The following MAN2A1 variants were observed in gnomAD, a reference collection of about 807,000 sequenced individuals.
MAN2A1 encodes alpha-mannosidase 2.
MAN2A1 carries 76 observed loss-of-function variants against 142.6 expected under a neutral mutation model. The ratio of observed to expected loss-of-function variants is 0.53; its 90% CI spans 0.44 to 0.65. The LOEUF (loss-of-function observed/expected upper bound fraction) is 0.65. Ranked by LOEUF, MAN2A1 falls within the 30% of genes least tolerant of loss-of-function variation. MAN2A1 has a pLI of 0.00. For missense variants in MAN2A1, 1,311 were observed against 1,365.1 expected, an observed-to-expected ratio of 0.96 and a Z score of 0.62; for synonymous variants, 559 against 473.2, an observed-to-expected ratio of 1.18 and a Z score of -2.35.
chr5:109,826,428 T>C (rs552525891), intron 16 of MAN2A1, among the ~76,000 whole-genome samples: 174 of 150,294 alleles, frequency 1.2e-3, no homozygotes, highest in Non-Finnish European at 1.8e-3. Flanking sequence ...GTCCGGATCA[T>C]TTTTTTTTTC....
intron 6 of MAN2A1, 100 bp from the exon 7 acceptor site, chr5:109,770,255 C>T (rs551551073): frequency 4.6e-5 from 51 of 1,110,372 alleles, no homozygotes; most frequent in South Asian, 4.4e-4. Context: ...TAGCACAGAG[C>T]TAAATCAGCA....
intron 1 of MAN2A1, among the ~76,000 whole-genome samples, chr5:109,708,043 AAG>A (rs35950538): frequency 0.17 from 26,160 of 152,000 alleles, 3,202 homozygotes; most frequent in East Asian, 0.64. Flanking sequence ...GAGATCATGT[AAG>A]AGAGTATAGA....
chr5:109,743,546 T>C (rs574364606), intron 4 of MAN2A1, among the ~76,000 whole-genome samples: 1 of 152,238 alleles, frequency 6.6e-6, no homozygotes, highest in African/African-American at 2.4e-5. Context: ...GCCCCAGAAA[T>C]AGTGGGCAAA....
At chr5:109,823,571 G>T in intron 15 of MAN2A1, 152 bp from the exon 16 acceptor site, 1 of 532,470 alleles carries the variant, frequency 1.9e-6, no homozygotes, top group Middle Eastern at 5.0e-4. Flanking sequence ...TTTATCACAT[G>T]CATATTTTGT....
chr5:109,809,780 T>C (rs74380095), intron 12 of MAN2A1, among the ~76,000 whole-genome samples: 2,832 of 152,228 alleles, frequency 0.019, 35 homozygotes, highest in Middle Eastern at 0.071. Context: ...TCCTTAGTTT[T>C]GGGAAATTCT....
intron 15 of MAN2A1, among the ~76,000 whole-genome samples, chr5:109,823,143 A>G (rs771716348): frequency 6.6e-6 from 1 of 152,256 alleles, no homozygotes; most frequent in Non-Finnish European, 1.5e-5. Context: ...TAAAATTTAA[A>G]TAAAAACTAA....
chr5:109,799,902 A>G (rs998432420), intron 12 of MAN2A1, among the ~76,000 whole-genome samples: 2 of 152,120 alleles, frequency 1.3e-5, no homozygotes, highest in African/African-American at 4.8e-5. Context: ...AGCCTGGCCA[A>G]CATGGTGAAA....
rs368729983 is a variant in MAN2A1 at position 109,826,536 on chromosome 5, T to G, written c.2566+2699T>G. Among the ~76,000 whole-genome samples the G allele has an allele frequency of 2.9e-3, 441 of 152,348 alleles. 3 individuals carry two copies. Among genetic ancestry groups the G allele is most frequent in the South Asian group, 0.022 (108 of 4,830 alleles). ...TCCCGTGTTTGTATTTGAGCTCCTC[T>G]TAACAAATCTCCCTCTGGGAAAAGA... On this transcript the variant is annotated intron_variant, in intron 16 of 21. Transcript: ENST00000261483.
intron 20 of MAN2A1, among the ~76,000 whole-genome samples, chr5:109,859,202 A>T (rs1006102423): frequency 3.9e-5 from 6 of 152,234 alleles, no homozygotes; most frequent in East Asian, 1.9e-4. Context: ...TCTGAATCTC[A>T]GTGCTGTGTG....
chr5:109,722,700 G>C (rs1032749824), intron 3 of MAN2A1, among the ~76,000 whole-genome samples: 1 of 152,098 alleles, frequency 6.6e-6, no homozygotes, highest in Non-Finnish European at 1.5e-5. Context: ...ACAGACTTAA[G>C]CCACCGTACC....
intron 5 of MAN2A1, among the ~76,000 whole-genome samples, chr5:109,757,180 TAACAA>T (rs1328233999): frequency 3.3e-5 from 5 of 152,304 alleles, no homozygotes; most frequent in African/African-American, 1.2e-4. Context: ...TGATTTTTCT[TAACAA>T]ATCACCAAAC....
rs560495766 is a variant in MAN2A1 at position 109,746,118 on chromosome 5, G to T, written c.708-9211G>T. On this transcript the variant is annotated intron_variant, in intron 4 of 21. Transcript: ENST00000261483. ...GCCTCCCGAGTAGCTGGGATTACAGGCATGTGCCGCCACACCCAGCTAATT... is the reference window on the plus strand; with the variant it reads ...GCCTCCCGAGTAGCTGGGATTACAGTCATGTGCCGCCACACCCAGCTAATT... Among the ~76,000 whole-genome samples the T allele has an allele frequency of 2.0e-5, 3 of 152,240 alleles. No individual in the cohort carries two copies. In the East Asian group the frequency reaches 5.8e-4, roughly 29 times the overall value.
chr5:109,865,043 A>T lies in MAN2A1; in HGVS notation c.3179A>T (p.Asn1060Ile). The T allele has an allele frequency of 6.2e-7, 1 of 1,613,616 alleles. No homozygotes were observed. The highest frequency in any genetic ancestry group is 8.5e-7 in the Non-Finnish European group (1 of 1,179,596). Residue 1060 changes from asparagine (N) to isoleucine (I), a missense_variant, in exon 21 of 22, where the codon AAT becomes ATT. Asn to Ile is a moderately radical substitution (Grantham distance 149). This residue lies in a region of MAN2A1 where 890 missense variants were observed against 920.5 expected (regional missense o/e 0.97). Coordinates refer to ENST00000261483, the MANE Select transcript of MAN2A1 (RefSeq NM_002372.4). ...CATTCTGCTCATTTGCAGGTGGGCA[A>T]TGGGCACTCCAATGAGGCAGCCTTG... ...NLRTIQSKVGNGHSNEAALIL... is the reference protein window; with the variant it reads ...NLRTIQSKVGIGHSNEAALIL...
chr5:109,796,954 T>G (rs1561516775), intron 12 of MAN2A1, among the ~76,000 whole-genome samples: 1 of 152,230 alleles, frequency 6.6e-6, no homozygotes. Flanking sequence ...AGAGCTTGTT[T>G]GGTTTTGCAT....
At chr5:109,859,943 G>GAT (rs577749086) in intron 20 of MAN2A1, among the ~76,000 whole-genome samples, 2,038 of 144,408 alleles carry the variant, frequency 0.014, 40 homozygotes, top group African/African-American at 0.046. Flanking sequence ...ATATAAACAT[G>GAT]ATATATATAT....
At chr5:109,700,149 G>A (rs905028732) in intron 1 of MAN2A1, among the ~76,000 whole-genome samples, 7 of 151,932 alleles carry the variant, frequency 4.6e-5, no homozygotes, top group African/African-American at 1.5e-4. Context: ...TTTTGTTAGC[G>A]TCAGAGGAAA....
At chr5:109,822,371 T>C (rs1754649124) in intron 15 of MAN2A1, among the ~76,000 whole-genome samples, 1 of 152,130 alleles carries the variant, frequency 6.6e-6, no homozygotes, top group Non-Finnish European at 1.5e-5. Flanking sequence ...CATGCGTAGA[T>C]ACCAATAACT....
chr5:109,696,800 GA>G (rs1270532146), intron 1 of MAN2A1, among the ~76,000 whole-genome samples: 2 of 152,176 alleles, frequency 1.3e-5, no homozygotes, highest in African/African-American at 4.8e-5. Context: ...TTTTAGGAAG[GA>G]TTGATCAAAA....
At chr5:109,744,874 G>A (rs1752357897) in intron 4 of MAN2A1, among the ~76,000 whole-genome samples, 1 of 152,064 alleles carries the variant, frequency 6.6e-6, no homozygotes, top group Admixed American at 6.5e-5. Context: ...CCTTCAGCAG[G>A]TGATGGATTA....
Sources: gnomAD v4.1 joint callset for allele counts (sites outside exome capture counted in the v4.1 genomes callset) on GRCh38, gnomAD v4.1.1 for gene constraint, gnomAD v4.1.1 regional missense constraint, MANE v1.5 for transcripts, NCBI Gene and HGNC (gene_info 2026-07-23, HGNC 2026-07-21) for gene names.